The following LARS2 variants were observed in gnomAD, a reference collection of about 807,000 sequenced individuals.
LARS2 encodes the protein leucine--tRNA ligase, mitochondrial.
Under a neutral mutation model 116.6 loss-of-function variants are expected in LARS2, and 81 were observed. The observed-to-expected ratio is 0.69, with a 90% CI of 0.58 to 0.84. The LOEUF is 0.84. LARS2 is among the 40% of genes least tolerant of loss of function. The pLI is 0.00. For missense variants in LARS2, 968 were observed against 1,114.5 expected (o/e 0.87, Z 1.87); for synonymous variants, 396 against 407.2 (o/e 0.97, Z 0.33).
At chr3:45,502,090 A>G (rs1299425483) in intron 15 of LARS2, among the ~76,000 whole-genome samples, 6 of 152,044 alleles carry the variant, frequency 3.9e-5, no homozygotes, top group African/African-American at 1.4e-4. Context: ...CAAACAATCC[A>G]ATTATACTCT....
chr3:45,445,877 C>G (rs1305721544), intron 6 of LARS2, among the ~76,000 whole-genome samples: 10 of 152,168 alleles, frequency 6.6e-5, no homozygotes, highest in Non-Finnish European at 1.3e-4. Flanking sequence ...TTAAGGAAGA[C>G]TGAATTGTTT....
At chr3:45,420,754 G>A (rs1377574355) in intron 6 of LARS2, among the ~76,000 whole-genome samples, 1 of 152,146 alleles carries the variant, frequency 6.6e-6, no homozygotes, top group African/African-American at 2.4e-5. Context: ...GGATGAGAGT[G>A]TTGACTCCTT....
intron 4 of LARS2, among the ~76,000 whole-genome samples, chr3:45,408,613 T>A (rs9855319): frequency 0.049 from 7,501 of 152,292 alleles, 219 homozygotes; most frequent in South Asian, 0.11. Flanking sequence ...TTTCTCTCTC[T>A]CTCTCTCTGC....
In LARS2 at chr3:45,485,803, A is replaced by T. The variant is rs376917391; in HGVS notation, c.1123+7A>T. The T allele has an allele frequency of 2.9e-5, 46 of 1,561,234 alleles. No individual in the cohort carries two copies. The highest frequency in any genetic ancestry group is 3.3e-4 in the Middle Eastern group (2 of 5,976). On this transcript the variant is annotated splice_region_variant and intron_variant, in intron 11 of 21. Transcript: ENST00000645846. ...TCTCTGGATTCAAAAATAGGTAAGC[A>T]GCTATTAAAATGTAACCACAACGGT...
Position 45,547,519 on chromosome 3 carries a change from G to T in LARS2, c.2701G>T (p.Val901Leu). The T allele has an allele frequency of 6.2e-7, 1 of 1,602,042 alleles. No individual in the cohort carries two copies. The highest frequency in any genetic ancestry group is 8.5e-7 in the Non-Finnish European group (1 of 1,175,408). ...GAGAACTGCCCTCATCAACTTCCTG[G>T]TGCAAGATTGACAGCCAGGAGGCTG... ...SPRTALINFLVQD is the reference protein window; with the variant it reads ...SPRTALINFLLQD Residue 901 changes from valine (V) to leucine (L), a missense_variant, in exon 22 of 22, where the codon GTG becomes TTG. Physicochemically the swap from Val to Leu is conservative, Grantham distance 32 (BLOSUM62 1). Transcript: ENST00000645846.
chr3:45,513,446 C>T (rs1220606625), intron 16 of LARS2, among the ~76,000 whole-genome samples: 2 of 152,240 alleles, frequency 1.3e-5, no homozygotes, highest in Non-Finnish European at 2.9e-5. Context: ...CTGCTGCAGC[C>T]CCCTTCAGCC....
Position 45,394,514 on chromosome 3 carries a change from G to C in LARS2, c.61G>C (p.Gly21Arg). 4 of 1,614,140 alleles carry C rather than the reference G, an allele frequency of 2.5e-6. No homozygotes were observed. Among genetic ancestry groups the C allele is most frequent in the Non-Finnish European group, 3.4e-6 (4 of 1,180,014 alleles). Residue 21 changes from glycine to arginine, a missense_variant, in exon 3 of 22, where the codon GGT (glycine) becomes CGT (arginine). By Grantham distance (125) the Gly-to-Arg change is moderately radical (BLOSUM62 -2). Coordinates refer to ENST00000645846, the MANE Select transcript of LARS2 (RefSeq NM_015340.4). ...CTCTCTTCTGAAAAGACAGCTAAAT[G>C]GTGGGCCAGATGTCATCAAGTGGGA... ...YASLLKRQLN[G>R]GPDVIKWERR...
chr3:45,408,455 A>T lies in LARS2; in HGVS notation c.363+8082A>T, dbSNP rs1371139143. ...AGCGTTCTTGTGCTGGTCCTTGACC[A>T]GCTTGCTGTTAGATCCATCCCTTGC... On this transcript the variant is annotated intron_variant, in intron 4 of 21. Transcript: ENST00000645846. 2.0e-5 allele frequency among the ~76,000 whole-genome samples: 3 copies of T among 152,366 alleles called. No homozygotes were observed. In the Middle Eastern group the frequency reaches 0.01, roughly 518 times the overall value.
intron 19 of LARS2, among the ~76,000 whole-genome samples, chr3:45,522,685 A>C (rs1305543115): frequency 6.6e-6 from 1 of 152,136 alleles, no homozygotes; most frequent in Non-Finnish European, 1.5e-5. Context: ...GGTTGCAGTG[A>C]GCTGAGATCA....
intron 2 of LARS2, among the ~76,000 whole-genome samples, chr3:45,392,128 A>C (rs1222325976): frequency 6.6e-6 from 1 of 152,168 alleles, no homozygotes. Flanking sequence ...AATTATAGCA[A>C]CCTAAGCCCT....
chr3:45,416,623 G>T (rs1261669425), intron 4 of LARS2, among the ~76,000 whole-genome samples: 3 of 152,232 alleles, frequency 2.0e-5, no homozygotes, highest in African/African-American at 7.2e-5. Context: ...GCACTGTCTG[G>T]TTCAGTGTCC....
intron 21 of LARS2, 40 bp downstream of exon 21, chr3:45,541,996 G>A: frequency 5.0e-6 from 8 of 1,610,096 alleles, no homozygotes; most frequent in Non-Finnish European, 5.9e-6. Flanking sequence ...AGCAGTCCCT[G>A]CCCTGCTGGT....
intron 21 of LARS2, among the ~76,000 whole-genome samples, chr3:45,544,615 G>A (rs995539459): frequency 7.0e-4 from 106 of 152,198 alleles, no homozygotes; most frequent in African/African-American, 2.5e-3. Context: ...TCACAGACAG[G>A]CAGATGTGTG....
intron 20 of LARS2, among the ~76,000 whole-genome samples, chr3:45,530,542 C>T (rs1160234619): frequency 6.6e-6 from 1 of 152,110 alleles, no homozygotes; most frequent in East Asian, 1.9e-4. Flanking sequence ...CATTAATTGT[C>T]CATGTGTGCC....
chr3:45,453,736 A>G (rs1321588940), intron 7 of LARS2, among the ~76,000 whole-genome samples: 2 of 152,206 alleles, frequency 1.3e-5, no homozygotes, highest in Admixed American at 6.5e-5. Context: ...TGCTTAGTTA[A>G]GCATGCTTTG....
chr3:45,408,033 G>A (rs540097395), intron 4 of LARS2, among the ~76,000 whole-genome samples: 5 of 152,294 alleles, frequency 3.3e-5, no homozygotes, highest in South Asian at 2.1e-4. Context: ...ACATAGATAA[G>A]TCTGTAGTCC....
Position 45,530,041 on chromosome 3 carries a change from G to GT in LARS2, c.2404+5934dup, listed in dbSNP as rs1700592518. Among the ~76,000 whole-genome samples, 2 of 152,240 alleles carry GT rather than the reference G, an allele frequency of 1.3e-5. 1 individual carries two copies. Among genetic ancestry groups the GT allele is most frequent in the Non-Finnish European group, 2.9e-5 (2 of 68,042 alleles). The stretch of plus-strand genomic sequence containing the variant: ...GTCAAAACACGACTTCAGAGAGTCA[G>GT]TCAGAACACAGAGCAACAGTTTGAC... On this transcript the variant is annotated intron_variant, in intron 20 of 21. Coordinates refer to ENST00000645846, the MANE Select transcript of LARS2 (RefSeq NM_015340.4).
At chr3:45,429,407 G>C (rs775115325) in intron 6 of LARS2, among the ~76,000 whole-genome samples, 3 of 152,240 alleles carry the variant, frequency 2.0e-5, no homozygotes, top group Non-Finnish European at 4.4e-5. Flanking sequence ...GCCAGGGATT[G>C]GTCTTTGCTT....
intron 8 of LARS2, among the ~76,000 whole-genome samples, chr3:45,473,764 G>C (rs1285282399): frequency 6.7e-6 from 1 of 148,438 alleles, no homozygotes; most frequent in East Asian, 2.0e-4. Flanking sequence ...ACAAATTAAT[G>C]TCATGTTTCC....
Sources: gnomAD v4.1 joint callset for allele counts (sites outside exome capture counted in the v4.1 genomes callset) on GRCh38, gnomAD v4.1.1 for gene constraint, MANE v1.5 for transcripts, NCBI Gene and HGNC (gene_info 2026-07-23, HGNC 2026-07-21) for gene names.